Variants in CADM2 observed in about 807,000 individuals in gnomAD.
CADM2 encodes the protein immunoglobulin superfamily member 4D.
Under a neutral mutation model 49.8 loss-of-function variants are expected in CADM2, and 12 were observed. The ratio of observed to expected loss-of-function variants is 0.24; its 90% CI spans 0.15 to 0.39. The LOEUF is 0.39. Ranked by LOEUF, CADM2 falls within the 10% of genes least tolerant of loss-of-function variation. CADM2 has a pLI of 1.00. For synonymous variants in CADM2, 214 were observed against 175.4 expected (o/e 1.22, Z -1.74); for missense variants, 378 against 492.3 (o/e 0.77, Z 2.20).
intron 7 of CADM2, among the ~76,000 whole-genome samples, chr3:85,937,417 G>C (rs1291232929): frequency 1.3e-5 from 2 of 151,814 alleles, no homozygotes; most frequent in Non-Finnish European, 2.9e-5. Flanking sequence ...AAATAAGAAA[G>C]GCTCCCTATT....
intron 6 of CADM2, among the ~76,000 whole-genome samples, chr3:85,918,525 G>A (rs1369997407): frequency 6.6e-6 from 1 of 152,108 alleles, no homozygotes; most frequent in Non-Finnish European, 1.5e-5. Context: ...TGGTGGATAA[G>A]CTTTTTGATG....
chr3:85,667,722 A>G (rs2065611448), intron 1 of CADM2, among the ~76,000 whole-genome samples: 1 of 152,040 alleles, frequency 6.6e-6, no homozygotes, highest in African/African-American at 2.4e-5. Context: ...GTGGCTTTAC[A>G]TCAATTCAGG....
chr3:85,809,817 G>A (rs2072736876), intron 3 of CADM2, among the ~76,000 whole-genome samples: 1 of 125,708 alleles, frequency 8.0e-6, no homozygotes, highest in Admixed American at 8.4e-5. Flanking sequence ...TCTTTCTGTG[G>A]GAATTATAGT....
At chr3:85,364,867 T>TACAACAACA (rs57254550) in intron 1 of CADM2, among the ~76,000 whole-genome samples, 46 of 147,320 alleles carry the variant, frequency 3.1e-4, no homozygotes, top group African/African-American at 1.1e-3. Context: ...TGCTTGTTCC[T>TACAACAACA]ACAACAACAA....
intron 8 of CADM2, among the ~76,000 whole-genome samples, chr3:86,034,420 A>C (rs1403632305): frequency 6.6e-6 from 1 of 152,050 alleles, no homozygotes. Context: ...CCACGACATG[A>C]GGATACAGTG....
At chr3:85,845,009 G>T (rs927448388) in intron 3 of CADM2, among the ~76,000 whole-genome samples, 1 of 151,626 alleles carries the variant, frequency 6.6e-6, no homozygotes, top group Non-Finnish European at 1.5e-5. Flanking sequence ...AAAAAAATTA[G>T]CCAGGCACGT....
intron 2 of CADM2, among the ~76,000 whole-genome samples, chr3:85,764,128 T>A (rs902983313): frequency 6.6e-6 from 1 of 152,142 alleles, no homozygotes; most frequent in Non-Finnish European, 1.5e-5. Flanking sequence ...TATTAAAAAA[T>A]TCAGTATCAA....
intron 8 of CADM2, among the ~76,000 whole-genome samples, chr3:86,020,388 A>G (rs1732979513): frequency 6.6e-6 from 1 of 152,146 alleles, no homozygotes; most frequent in South Asian, 2.1e-4. Context: ...AAGGATTCAC[A>G]GCCGAATTCT....
At chr3:85,295,690 A>G (rs1445283627) in intron 1 of CADM2, among the ~76,000 whole-genome samples, 1 of 152,034 alleles carries the variant, frequency 6.6e-6, no homozygotes, top group African/African-American at 2.4e-5. Context: ...TATCGCAAGA[A>G]CAAAAAACCA....
chr3:85,629,619 A>G (rs1324572717), intron 1 of CADM2, among the ~76,000 whole-genome samples: 1 of 152,032 alleles, frequency 6.6e-6, no homozygotes, highest in Non-Finnish European at 1.5e-5. Context: ...ACTATTATTT[A>G]GTCTTCACAA....
chr3:85,360,034 A>G (rs1490043434), intron 1 of CADM2, among the ~76,000 whole-genome samples: 1 of 151,904 alleles, frequency 6.6e-6, no homozygotes, highest in Non-Finnish European at 1.5e-5. Flanking sequence ...ATATAAAATT[A>G]AGCTGAAAAT....
intron 1 of CADM2, among the ~76,000 whole-genome samples, chr3:85,520,335 C>T (rs2061002760): frequency 1.3e-5 from 2 of 151,538 alleles, no homozygotes; most frequent in African/African-American, 4.8e-5. Flanking sequence ...ATATAAGAAA[C>T]ACAAATGTAA....
At chr3:85,544,260 A>G (rs1424022621) in intron 1 of CADM2, among the ~76,000 whole-genome samples, 1 of 152,162 alleles carries the variant, frequency 6.6e-6, no homozygotes, top group Non-Finnish European at 1.5e-5. Context: ...CCATTGAGCT[A>G]GCTTAAATAA....
intron 5 of CADM2, among the ~76,000 whole-genome samples, chr3:85,896,754 T>C (rs867093353): frequency 3.3e-5 from 5 of 152,222 alleles, no homozygotes; most frequent in Middle Eastern, 3.2e-3. Flanking sequence ...TAATGCAGCT[T>C]CTAATTTTCA....
intron 1 of CADM2, among the ~76,000 whole-genome samples, chr3:85,685,642 A>G (rs1171363475): frequency 1.3e-5 from 1 of 76,450 alleles, no homozygotes; most frequent in Middle Eastern, 9.8e-3. Flanking sequence ...TTTTGTTTTT[A>G]AGACGGAGTC....
intron 5 of CADM2, among the ~76,000 whole-genome samples, chr3:85,894,321 G>C (rs916493563): frequency 6.6e-6 from 1 of 152,060 alleles, no homozygotes; most frequent in Admixed American, 6.5e-5. Context: ...CACAGGAAGG[G>C]GAACATCCAC....
intron 6 of CADM2, among the ~76,000 whole-genome samples, chr3:85,934,751 T>C (rs927010415): frequency 6.6e-6 from 1 of 152,044 alleles, no homozygotes; most frequent in Non-Finnish European, 1.5e-5. Context: ...CGGTAGTAAC[T>C]CATTTAACTG....
chr3:86,011,185 T>A (rs12486099), intron 8 of CADM2, among the ~76,000 whole-genome samples: 46,227 of 151,702 alleles, frequency 0.3, 8,371 homozygotes, highest in Admixed American at 0.39. Context: ...GCAGATCAAT[T>A]TTACTGAAAT....
intron 8 of CADM2, chr3:86,012,523 G>C: frequency 3.0e-6 from 4 of 1,332,982 alleles, no homozygotes; most frequent in South Asian, 1.4e-5. Context: ...TGAGGAGGCC[G>C]GGAGCGGAGG....
Sources: allele counts gnomAD v4.1 joint callset (sites outside exome capture counted in the v4.1 genomes callset), GRCh38; gene constraint gnomAD v4.1.1; transcripts MANE v1.5; gene names NCBI Gene and HGNC (gene_info 2026-07-23, HGNC 2026-07-21).